The following ADARB1 variants were observed in gnomAD, a reference collection of about 807,000 sequenced individuals.
ADARB1 encodes double-stranded RNA-specific editase 1.
Under a neutral mutation model 52.4 loss-of-function variants are expected in ADARB1, and 10 were observed. That is an observed-to-expected ratio of 0.19 (90% CI 0.12 to 0.32). ADARB1 has a LOEUF of 0.32. Among genes scored for constraint, ADARB1 ranks in the 10% least tolerant of loss-of-function variants. The pLI is 1.00. For missense variants in ADARB1, 643 were observed against 922.3 expected (o/e 0.70, Z 3.92); for synonymous variants, 349 against 371.1 (o/e 0.94, Z 0.68).
At chr21:45,149,172 C>G (rs568197317) in intron 2 of ADARB1, among the ~76,000 whole-genome samples, 1 of 152,356 alleles carries the variant, frequency 6.6e-6, no homozygotes, top group Admixed American at 6.5e-5. Context: ...GATGTGGCCT[C>G]TGTTCCTGTC....
In ADARB1 at chr21:45,170,464, C is replaced by T. The variant is rs148510034; in HGVS notation, c.-47-1146C>T. Reference sequence around the variant, plus strand: ...AATGCTTTTAAAACTATCTGGAAAACTTTGTTGAATAAAGGATTCTAAAGA... The same window carrying T: ...AATGCTTTTAAAACTATCTGGAAAATTTTGTTGAATAAAGGATTCTAAAGA... On this transcript the variant is annotated intron_variant, in intron 2 of 10. Coordinates refer to ENST00000348831, the MANE Select transcript of ADARB1 (RefSeq NM_001112.4). Among the ~76,000 whole-genome samples, 11 of 152,176 alleles carry T rather than the reference C, an allele frequency of 7.2e-5. 1 individual carries two copies. The East Asian group carries it at 2.1e-3, about 29-fold the overall frequency.
intron 5 of ADARB1, among the ~76,000 whole-genome samples, 171 bp downstream of exon 5, chr21:45,180,615 T>C (rs1037223478): frequency 1.3e-5 from 2 of 152,216 alleles, no homozygotes; most frequent in African/African-American, 4.8e-5. Flanking sequence ...CAAGCTTTTT[T>C]CCCAAAATGT....
chr21:45,197,752 G>A (rs1047028200), intron 8 of ADARB1, among the ~76,000 whole-genome samples: 5 of 152,152 alleles, frequency 3.3e-5, no homozygotes, highest in African/African-American at 1.2e-4. Flanking sequence ...AAAGAACAGT[G>A]ATACACACTA....
At chr21:45,105,704 A>G (rs1220974353) in intron 1 of ADARB1, among the ~76,000 whole-genome samples, 2 of 152,238 alleles carry the variant, frequency 1.3e-5, no homozygotes, top group African/African-American at 2.4e-5. Flanking sequence ...ACACACATAT[A>G]TGAGTGTATT....
rs963375861 is a variant in ADARB1 at position 45,135,657 on chromosome 21, C to G, written c.-48+7084C>G. Among the ~76,000 whole-genome samples the G allele has an allele frequency of 4.6e-5, 7 of 152,332 alleles. No homozygotes were observed. The East Asian group carries it at 1.3e-3, about 29-fold the overall frequency. ...ATTTAGGTCGAAAAGCAAAGTGAGG[C>G]CTCAGAAGATGAAGGCAGAGTGCGA... On this transcript the variant is annotated intron_variant, in intron 2 of 10. Transcript: ENST00000348831.
intron 1 of ADARB1, among the ~76,000 whole-genome samples, chr21:45,098,809 G>A (rs2086878934): frequency 6.6e-6 from 1 of 152,200 alleles, no homozygotes; most frequent in Non-Finnish European, 1.5e-5. Flanking sequence ...CTTCAATCTT[G>A]TGTATATTTG....
chr21:45,113,667 C>A (rs998730312), intron 1 of ADARB1, among the ~76,000 whole-genome samples: 13 of 152,024 alleles, frequency 8.6e-5, no homozygotes, highest in Admixed American at 8.5e-4. Flanking sequence ...AGAGTTGGAC[C>A]TGGCCGAGCT....
chr21:45,115,277 G>A (rs2087765969), intron 1 of ADARB1, among the ~76,000 whole-genome samples: 1 of 152,232 alleles, frequency 6.6e-6, no homozygotes, highest in Non-Finnish European at 1.5e-5. Flanking sequence ...GTGAGTGAAT[G>A]CTGAGCCGCT....
At chr21:45,084,307 T>G (rs2086258788) in intron 1 of ADARB1, among the ~76,000 whole-genome samples, 1 of 152,228 alleles carries the variant, frequency 6.6e-6, no homozygotes, top group African/African-American at 2.4e-5. Flanking sequence ...CTACGTCACT[T>G]CCTGCCATGG....
intron 8 of ADARB1, among the ~76,000 whole-genome samples, chr21:45,203,910 AC>A (rs912602135): frequency 2.0e-5 from 3 of 152,192 alleles, no homozygotes; most frequent in Admixed American, 6.5e-5. Flanking sequence ...TCCTGTAAGT[AC>A]CTTCCTATAT....
Position 45,186,051 on chromosome 21 carries a change from T to C in ADARB1, c.1565+960T>C, listed in dbSNP as rs1022257885. Among the ~76,000 whole-genome samples, 4 of 152,248 alleles carry C rather than the reference T, an allele frequency of 2.6e-5. No homozygotes were observed. In the South Asian group the frequency reaches 8.3e-4, roughly 31 times the overall value. On this transcript the variant is annotated intron_variant, in intron 8 of 10. Coordinates refer to ENST00000348831, the MANE Select transcript of ADARB1 (RefSeq NM_001112.4). ...TGACCACTGTGATGTGTTTATTTAT[T>C]ATTTGTCCTTCCAGTCCACCTCCAC...
chr21:45,180,097 G>A (rs1013128599), intron 4 of ADARB1, among the ~76,000 whole-genome samples: 21 of 152,222 alleles, frequency 1.4e-4, no homozygotes, highest in African/African-American at 4.3e-4. Flanking sequence ...CTGGCCCCAC[G>A]CGGGTGGCGA....
chr21:45,097,657 G>A (rs1420864662), intron 1 of ADARB1, among the ~76,000 whole-genome samples: 1 of 152,136 alleles, frequency 6.6e-6, no homozygotes, highest in South Asian at 2.1e-4. Context: ...AAGGTGGAAG[G>A]CAGTGCCTAT....
At chr21:45,185,828 C>T (rs558838030) in intron 8 of ADARB1, among the ~76,000 whole-genome samples, 7 of 152,384 alleles carry the variant, frequency 4.6e-5, no homozygotes, top group Admixed American at 3.9e-4. Context: ...CAGAGCCCTC[C>T]TGTGGCACCC....
At chr21:45,090,972 C>T (rs407614) in intron 1 of ADARB1, among the ~76,000 whole-genome samples, 149,735 of 152,398 alleles carry the variant, frequency 0.98, 73,559 homozygotes, top group East Asian at 1. Context: ...CTGTGATAAC[C>T]TTTCTTAAAT....
intron 9 of ADARB1, among the ~76,000 whole-genome samples, chr21:45,216,088 T>C (rs1300204812): frequency 6.6e-6 from 1 of 152,166 alleles, no homozygotes; most frequent in East Asian, 1.9e-4. Context: ...CCATTTCATC[T>C]AATTTGTCTA....
intron 8 of ADARB1, among the ~76,000 whole-genome samples, chr21:45,197,122 G>T (rs2092441586): frequency 6.6e-6 from 1 of 152,198 alleles, no homozygotes; most frequent in Non-Finnish European, 1.5e-5. Context: ...AGGTTGCAGT[G>T]AGCTGAGATT....
chr21:45,191,868 ATATATATATATATTTTTTTTTTTT>A (rs1382962200), intron 8 of ADARB1, among the ~76,000 whole-genome samples: 6 of 76,234 alleles, frequency 7.9e-5, no homozygotes, highest in African/African-American at 2.0e-4. Context: ...ATATATATAT[ATATATATATATATTTTTTTTTTTT>A]TTTTTTTTTT....
intron 1 of ADARB1, among the ~76,000 whole-genome samples, chr21:45,124,717 T>C (rs2088449600): frequency 1.3e-5 from 2 of 150,652 alleles, no homozygotes; most frequent in Admixed American, 6.6e-5. Flanking sequence ...AGATTTTCTG[T>C]TTCCTCCTGA....
Sources: allele counts gnomAD v4.1 joint callset (sites outside exome capture counted in the v4.1 genomes callset), GRCh38; gene constraint gnomAD v4.1.1; transcripts MANE v1.5; gene names NCBI Gene and HGNC (gene_info 2026-07-23, HGNC 2026-07-21).